The following CYP2C8 variants were observed in gnomAD, a reference collection of about 807,000 sequenced individuals.
CYP2C8 encodes the protein cytochrome P450 family 2 subfamily C member 8.
Under a neutral mutation model 41.3 loss-of-function variants are expected in CYP2C8, and 51 were observed. The ratio of observed to expected loss-of-function variants is 1.24; its 90% CI spans 0.99 to 1.56. The LOEUF is 1.56. Ranked by LOEUF, CYP2C8 falls within the 40% of genes most tolerant of loss-of-function variation. The pLI is 0.00. For missense variants in CYP2C8, 651 were observed against 579.9 expected, an observed-to-expected ratio of 1.12 and a Z score of -1.26; for synonymous variants, 218 against 205.8, an observed-to-expected ratio of 1.06 and a Z score of -0.51.
chr10:95,066,253 A>G (rs2033566107), intron 3 of CYP2C8, among the ~76,000 whole-genome samples: 1 of 151,298 alleles, frequency 6.6e-6, no homozygotes, highest in South Asian at 2.1e-4. Flanking sequence ...AGTGAATTTA[A>G]AAAGGTAATT....
At chr10:95,046,709 A>G in intron 5 of CYP2C8, among the ~76,000 whole-genome samples, 1 of 148,968 alleles carries the variant, frequency 6.7e-6, no homozygotes, top group East Asian at 2.0e-4. Flanking sequence ...GGACATGAGC[A>G]TTTGATCATA....
chr10:95,063,698 G>A (rs1035474112), intron 4 of CYP2C8, among the ~76,000 whole-genome samples: 2 of 152,188 alleles, frequency 1.3e-5, no homozygotes, highest in Non-Finnish European at 2.9e-5. Flanking sequence ...GCATTCCTTT[G>A]GAGGAGGAGA....
intron 4 of CYP2C8, among the ~76,000 whole-genome samples, chr10:95,062,696 G>A (rs894744366): frequency 2.6e-5 from 4 of 152,150 alleles, no homozygotes; most frequent in Non-Finnish European, 5.9e-5. Context: ...ATGTTAGCTG[G>A]TTATTTTGCT....
chr10:95,037,103 C>A lies in CYP2C8; in HGVS notation c.*25G>T. 1.2e-6 allele frequency: 2 copies of A among 1,609,836 alleles called. No homozygotes were observed. Among genetic ancestry groups the A allele is most frequent in the East Asian group, 2.2e-5 (1 of 44,846 alleles). ...AAAAGAGTTGCAGGTGATAGCAGAT[C>A]GGCAGCCAGATGGGCTAGCATTCTT... On this transcript the variant is annotated 3_prime_UTR_variant, in exon 9 of 9. Transcript: ENST00000371270.
In CYP2C8 at chr10:95,069,494, A is replaced by G. The variant is rs968758818; in HGVS notation, c.-92T>C. On this transcript the variant is annotated 5_prime_UTR_variant, in exon 1 of 9. The change abolishes an upstream ATG in the 5' untranslated region. Coordinates refer to ENST00000371270, the MANE Select transcript of CYP2C8 (RefSeq NM_000770.3). ...CTAATTTAGTGTGTGTCTCTTTGAC[A>G]TGTAAAGTAAACAATCACCTAGATC... The G allele has an allele frequency of 6.7e-6, 7 of 1,044,332 alleles. No homozygotes were observed. The highest frequency in any genetic ancestry group is 3.2e-5 in the African/African-American group (2 of 62,772). The allele number at this position is 1,044,332 out of a possible 1,614,324, so 64.7% of individuals were successfully genotyped here.
At chr10:95,043,693 C>G (rs566307960) in intron 6 of CYP2C8, among the ~76,000 whole-genome samples, 4 of 152,152 alleles carry the variant, frequency 2.6e-5, no homozygotes, top group Middle Eastern at 3.4e-3. Context: ...ATCTCCATCT[C>G]TATTCCATAT....
rs748325595 is a variant in CYP2C8, at chr10:95,045,810, C to G, written c.961G>C (p.Ala321Pro). The G allele has an allele frequency of 1.9e-6, 3 of 1,613,966 alleles. No individual in the cohort carries two copies. The highest frequency in any genetic ancestry group is 2.2e-5 in the East Asian group (1 of 44,866). Reference protein sequence around the residue: ...LLLLKHPEVTAKVQEEIDHVI... With the variant: ...LLLLKHPEVTPKVQEEIDHVI... ...CTTTGTTCATCATCTGTGGTCCTAC[C>G]TGTGACCTCTGGGTGCTTCAGCAGG... The change falls in exon 6 of 9, where the codon GCT (alanine) becomes CCT (proline). Residue 321 changes from alanine (A) to proline (P), a missense_variant and splice_region_variant. Ala to Pro is a conservative substitution (Grantham distance 27). Coordinates refer to ENST00000371270, the MANE Select transcript of CYP2C8 (RefSeq NM_000770.3).
intron 4 of CYP2C8, among the ~76,000 whole-genome samples, chr10:95,061,595 T>G (rs1330588199): frequency 6.6e-6 from 1 of 152,250 alleles, no homozygotes; most frequent in African/African-American, 2.4e-5. Flanking sequence ...AACTAGCTCC[T>G]GGATTCATTG....
chr10:95,043,985 A>G (rs1203386801), intron 6 of CYP2C8, among the ~76,000 whole-genome samples: 2 of 152,180 alleles, frequency 1.3e-5, no homozygotes, highest in African/African-American at 2.4e-5. Flanking sequence ...ACTCCTAGTA[A>G]TAATTTCCCA....
In CYP2C8 at chr10:95,037,075, A is replaced by G. The variant is rs775727604; in HGVS notation, c.*53T>C. 2.1e-4 allele frequency: 323 copies of G among 1,508,770 alleles called. No individual in the cohort carries two copies. The highest frequency in any genetic ancestry group is 2.9e-4 in the Non-Finnish European group (312 of 1,085,416). 93.5% of individuals were successfully genotyped at this position (1,508,770 alleles called of 1,614,324 possible). A position where few individuals can be genotyped will look rare whatever the true frequency, so the allele number is the denominator to read the frequency against. ...ACATAATAGTGGGAATGTCCTTGAT[A>G]AAAAAAGAGTTGCAGGTGATAGCAG... On this transcript the variant is annotated 3_prime_UTR_variant, in exon 9 of 9. Coordinates refer to ENST00000371270, the MANE Select transcript of CYP2C8 (RefSeq NM_000770.3).
intron 6 of CYP2C8, among the ~76,000 whole-genome samples, chr10:95,044,491 C>T (rs1202684550): frequency 1.3e-5 from 2 of 152,156 alleles, no homozygotes; most frequent in Non-Finnish European, 2.9e-5. Flanking sequence ...TGGCAAAATA[C>T]GGAGGTCTTT....
At chr10:95,053,765 G>C (rs908484772) in intron 5 of CYP2C8, among the ~76,000 whole-genome samples, 4 of 152,034 alleles carry the variant, frequency 2.6e-5, no homozygotes, top group Non-Finnish European at 4.4e-5. Context: ...GGGCCTGTTG[G>C]GGGGTGGGGA....
At chr10:95,043,664 A>G (rs989610577) in intron 6 of CYP2C8, among the ~76,000 whole-genome samples, 3 of 152,122 alleles carry the variant, frequency 2.0e-5, no homozygotes, top group African/African-American at 4.8e-5. Context: ...ATTTTCTGGT[A>G]TGAGAGATGA....
intron 5 of CYP2C8, among the ~76,000 whole-genome samples, chr10:95,051,062 T>C (rs1245162523): frequency 6.6e-6 from 1 of 152,184 alleles, no homozygotes; most frequent in African/African-American, 2.4e-5. Flanking sequence ...GAATATAAGA[T>C]AGTTGTTTTG....
chr10:95,063,258 C>A (rs1023143921), intron 4 of CYP2C8, among the ~76,000 whole-genome samples: 2 of 152,198 alleles, frequency 1.3e-5, no homozygotes, highest in African/African-American at 2.4e-5. Flanking sequence ...CCATTCTCCC[C>A]GTCACTTTCA....
chr10:95,040,328 A>G (rs1246619808), intron 7 of CYP2C8, among the ~76,000 whole-genome samples: 12 of 152,100 alleles, frequency 7.9e-5, no homozygotes, highest in Admixed American at 3.3e-4. Context: ...TAATCCTTGT[A>G]AAAAAATCAG....
In CYP2C8 at chr10:95,067,612, A is replaced by G; in HGVS notation, c.248T>C (p.Val83Ala). ...PIVVFHGYEA[V>A]KEALIDNGEE... is the part of the protein sequence containing the mutation. ...TCCATTATCAATCAGGGCTTCCTTCACTGCCTCATATCCATGAAACACCAC... is the reference window on the plus strand; with the variant it reads ...TCCATTATCAATCAGGGCTTCCTTCGCTGCCTCATATCCATGAAACACCAC... Residue 83 changes from valine (V) to alanine (A), a missense_variant, in exon 2 of 9, where the codon GTG becomes GCG. Transcript: ENST00000371270. 1.2e-6 allele frequency: 2 copies of G among 1,614,124 alleles called. No homozygotes were observed. The highest frequency in any genetic ancestry group is 1.7e-6 in the Non-Finnish European group (2 of 1,179,996).
chr10:95,058,794 T>TC (rs1175672036), intron 4 of CYP2C8, among the ~76,000 whole-genome samples: 1 of 151,186 alleles, frequency 6.6e-6, no homozygotes, highest in Non-Finnish European at 1.5e-5. Flanking sequence ...CCCTTCCCCC[T>TC]CCCCCCACCA....
chr10:95,036,941 A>C lies in CYP2C8; in HGVS notation c.*187T>G. 1 of 657,230 alleles carries C rather than the reference A, an allele frequency of 1.5e-6. No individual in the cohort carries two copies. The highest frequency in any genetic ancestry group is 2.8e-6 in the Non-Finnish European group (1 of 360,486). 40.7% of individuals were successfully genotyped at this position (657,230 alleles called of 1,614,324 possible). A position where few individuals can be genotyped will look rare whatever the true frequency, so the allele number is the denominator to read the frequency against. On this transcript the variant is annotated 3_prime_UTR_variant, in exon 9 of 9. Coordinates refer to ENST00000371270, the MANE Select transcript of CYP2C8 (RefSeq NM_000770.3). ...ATTAATACAAGTGTTACAGAGTATGAATAATTGCAGATATATTTGTGCAGT... is the reference window on the plus strand; with the variant it reads ...ATTAATACAAGTGTTACAGAGTATGCATAATTGCAGATATATTTGTGCAGT...
Sources: gnomAD v4.1 joint callset for allele counts (sites outside exome capture counted in the v4.1 genomes callset) on GRCh38, gnomAD v4.1.1 for gene constraint, MANE v1.5 for transcripts, NCBI Gene and HGNC (gene_info 2026-07-23, HGNC 2026-07-21) for gene names.